GRB2: variants seen among roughly 807,000 people sequenced by gnomAD.
GRB2 encodes growth factor receptor bound protein 2.
GRB2 carries 2 observed loss-of-function variants against 27.4 expected under a neutral mutation model. The observed-to-expected ratio is 0.07, with a 90% CI of 0.03 to 0.23. The LOEUF (loss-of-function observed/expected upper bound fraction) is 0.23, where lower values mean the gene tolerates loss of function less well. Ranked by LOEUF, GRB2 falls within the 10% of genes least tolerant of loss-of-function variation. The probability of loss-of-function intolerance (pLI) is 1.00; values close to 1 mark genes in which losing one functional copy is unlikely to be tolerated. For missense variants in GRB2, 102 were observed against 282.4 expected, an observed-to-expected ratio of 0.36 and a Z score of 4.58; for synonymous variants, 94 against 99.6, an observed-to-expected ratio of 0.94 and a Z score of 0.33.
intron 2 of GRB2, among the ~76,000 whole-genome samples, chr17:75,362,223 C>G (rs1016162660): frequency 6.6e-6 from 1 of 152,188 alleles, no homozygotes; most frequent in Non-Finnish European, 1.5e-5. Context: ...ATATCTCAGT[C>G]TTTTTATTAA....
At chr17:75,364,372 C>T (rs1270784541) in intron 2 of GRB2, among the ~76,000 whole-genome samples, 1 of 152,094 alleles carries the variant, frequency 6.6e-6, no homozygotes, top group Admixed American at 6.5e-5. Context: ...TATTATGTAC[C>T]AGAATTCATG....
intron 1 of GRB2, among the ~76,000 whole-genome samples, chr17:75,401,622 G>C (rs1283763879): frequency 6.6e-6 from 1 of 152,142 alleles, no homozygotes; most frequent in Admixed American, 6.5e-5. Flanking sequence ...TGACGCTCTG[G>C]AGTTAGACTT....
chr17:75,355,917 G>A (rs1408562322), intron 2 of GRB2, among the ~76,000 whole-genome samples: 3 of 146,830 alleles, frequency 2.0e-5, no homozygotes, highest in Non-Finnish European at 4.5e-5. Flanking sequence ...TGCAACCTTC[G>A]CCTCCCGAGT....
intron 2 of GRB2, among the ~76,000 whole-genome samples, chr17:75,350,468 C>G (rs866310139): frequency 6.6e-6 from 1 of 152,152 alleles, no homozygotes; most frequent in Non-Finnish European, 1.5e-5. Context: ...AAGGAAAGCT[C>G]ACTTGGGCGG....
intron 2 of GRB2, among the ~76,000 whole-genome samples, chr17:75,368,226 T>TC (rs1227270424): frequency 6.6e-6 from 1 of 150,850 alleles, no homozygotes; most frequent in Admixed American, 6.6e-5. Context: ...TTTTTTTTTT[T>TC]TTTTTGAGAC....
At chr17:75,343,063 A>AAAAAAAAAAG (rs1567861729) in intron 2 of GRB2, among the ~76,000 whole-genome samples, 1 of 141,138 alleles carries the variant, frequency 7.1e-6, no homozygotes. Flanking sequence ...AAAAAAAAAA[A>AAAAAAAAAAG]GGTATAAGAT....
At chr17:75,391,429 T>C (rs2078997554) in intron 2 of GRB2, among the ~76,000 whole-genome samples, 1 of 152,108 alleles carries the variant, frequency 6.6e-6, no homozygotes, top group Non-Finnish European at 1.5e-5. Context: ...ATTTACTAAT[T>C]TAAGTTAAAG....
chr17:75,380,048 T>C (rs988792578), intron 2 of GRB2, among the ~76,000 whole-genome samples: 1 of 152,230 alleles, frequency 6.6e-6, no homozygotes, highest in African/African-American at 2.4e-5. Context: ...CGCCAATTTG[T>C]TTATTCGTAG....
intron 1 of GRB2, among the ~76,000 whole-genome samples, chr17:75,400,860 A>G (rs372996202): frequency 6.6e-6 from 1 of 152,160 alleles, no homozygotes; most frequent in African/African-American, 2.4e-5. Context: ...TCACTGAAAC[A>G]ATGAGACAAA....
At chr17:75,381,030 T>C (rs188354374) in intron 2 of GRB2, among the ~76,000 whole-genome samples, 5 of 152,310 alleles carry the variant, frequency 3.3e-5, no homozygotes, top group East Asian at 1.9e-4. Flanking sequence ...ATTCAGACAA[T>C]AGGACAATAC....
intron 1 of GRB2, among the ~76,000 whole-genome samples, chr17:75,401,451 CAAAAAA>C (rs71161209): frequency 3.8e-5 from 3 of 79,052 alleles, no homozygotes; most frequent in Non-Finnish European, 6.8e-5. Flanking sequence ...GACTCCGTCT[CAAAAAA>C]AAAAAAAAAA....
At chr17:75,330,596 C>G (rs1306725272) in intron 3 of GRB2, among the ~76,000 whole-genome samples, 3 of 151,986 alleles carry the variant, frequency 2.0e-5, no homozygotes, top group Non-Finnish European at 4.4e-5. Flanking sequence ...ATCGCTTGAA[C>G]CCAGCAGGCG....
At chr17:75,372,522 T>C (rs769674181) in intron 2 of GRB2, 8 of 152,230 alleles carry the variant, frequency 5.3e-5, no homozygotes, top group Non-Finnish European at 8.8e-5. Flanking sequence ...CACGATTTCC[T>C]AGCATTTCAA....
At position 75,330,712 on chromosome 17, in the gene GRB2, A is replaced by C. The variant is rs551996145; in HGVS notation, c.176+1988T>G. Among the ~76,000 whole-genome samples, 88 of 152,076 alleles carry C rather than the reference A, an allele frequency of 5.8e-4. No homozygotes were observed. In the South Asian group the frequency reaches 8.9e-3, roughly 15 times the overall value. ...GAACAACAACAAACAAAAAACAAAAAAAAAAAAGGTGGGCTTATACAACAG... is the reference window on the plus strand; with the variant it reads ...GAACAACAACAAACAAAAAACAAAACAAAAAAAGGTGGGCTTATACAACAG... On this transcript the variant is annotated intron_variant, in intron 3 of 5. Transcript: ENST00000316804.
At chr17:75,404,087 G>C (rs1256584140) in intron 1 of GRB2, among the ~76,000 whole-genome samples, 3 of 151,940 alleles carry the variant, frequency 2.0e-5, no homozygotes, top group Non-Finnish European at 4.4e-5. Context: ...ACTCCAGCCT[G>C]GGCAAAAAGA....
intron 2 of GRB2, among the ~76,000 whole-genome samples, chr17:75,368,384 T>G (rs1405548980): frequency 1.3e-5 from 2 of 151,314 alleles, no homozygotes; most frequent in African/African-American, 4.9e-5. Flanking sequence ...CTCAGCTAAT[T>G]TTTGTTTGTG....
chr17:75,395,543 C>G (rs892579416), intron 1 of GRB2, among the ~76,000 whole-genome samples: 2 of 152,170 alleles, frequency 1.3e-5, no homozygotes, highest in Non-Finnish European at 2.9e-5. Flanking sequence ...AGCTCCCTAC[C>G]AACACCCACA....
intron 2 of GRB2, among the ~76,000 whole-genome samples, chr17:75,351,785 T>C (rs1464445983): frequency 1.3e-5 from 2 of 152,232 alleles, no homozygotes; most frequent in African/African-American, 4.8e-5. Context: ...TTAATTGTTG[T>C]ACAATTAAAA....
intron 1 of GRB2, among the ~76,000 whole-genome samples, chr17:75,395,184 T>A (rs2079022149): frequency 6.6e-6 from 1 of 152,192 alleles, no homozygotes; most frequent in South Asian, 2.1e-4. Context: ...TGGGGAATAT[T>A]AAGATTAGAC....
Sources: allele counts gnomAD v4.1 joint callset (sites outside exome capture counted in the v4.1 genomes callset), GRCh38; gene constraint gnomAD v4.1.1; transcripts MANE v1.5; gene names NCBI Gene and HGNC (gene_info 2026-07-23, HGNC 2026-07-21).